ABCB5: variants seen among roughly 807,000 people sequenced by gnomAD.
The protein encoded by ABCB5 is ATP-binding cassette sub-family B member 5.
Under a neutral mutation model 144.2 loss-of-function variants are expected in ABCB5, and 155 were observed. The observed-to-expected ratio is 1.08, with a 90% CI of 0.94 to 1.23. The LOEUF is 1.23. Ranked by LOEUF, ABCB5 falls within the 50% of genes most tolerant of loss-of-function variation. The probability of loss-of-function intolerance (pLI) is 0.00; values close to 1 mark genes in which losing one functional copy is unlikely to be tolerated. For missense variants in ABCB5, 1,830 were observed against 1,520.8 expected (o/e 1.20, Z -3.38); for synonymous variants, 610 against 528.6 (o/e 1.15, Z -2.11).
In ABCB5 at chr7:20,684,011, C is replaced by G. The variant is rs554833738; in HGVS notation, c.1870-1685C>G. Among the ~76,000 whole-genome samples the G allele has an allele frequency of 2.6e-5, 4 of 152,244 alleles. No homozygotes were observed. The East Asian group carries it at 7.7e-4, about 29-fold the overall frequency. On this transcript the variant is annotated intron_variant, in intron 15 of 27. Transcript: ENST00000404938. ...CAAGTTATTTAAATTCTCAGTGCAT[C>G]AATTTCCTAACCTTTAACAAGAGGG...
rs1184618642 is a variant in ABCB5, at chr7:20,685,708, G to A, written c.1882G>A (p.Ala628Thr). The change falls in exon 16 of 28, where the codon GCT becomes ACT. Residue 628 changes from alanine to threonine, a missense_variant. Physicochemically the swap from Ala to Thr is moderately conservative, Grantham distance 58. Transcript: ENST00000404938. ...TTCTTCCTGTAAGGATATTAAAAAA[G>A]CTGATGAACAGATGGAGTCAATGAC... The part of the protein sequence containing the change: ...SLVMSQDIKK[A>T]DEQMESMTYS... 4 of 1,607,726 alleles carry A rather than the reference G, an allele frequency of 2.5e-6. No individual in the cohort carries two copies. In the South Asian group the frequency reaches 3.3e-5, roughly 13 times the overall value.
At chr7:20,746,108 T>TC (rs1028448571) in intron 26 of ABCB5, among the ~76,000 whole-genome samples, 1 of 149,066 alleles carries the variant, frequency 6.7e-6, no homozygotes, top group African/African-American at 2.4e-5. Context: ...TTAACTTTCT[T>TC]TTTTTTTTTT....
At chr7:20,710,709 C>T (rs1787000223) in intron 20 of ABCB5, among the ~76,000 whole-genome samples, 2 of 149,792 alleles carry the variant, frequency 1.3e-5, no homozygotes, top group Admixed American at 6.7e-5. Context: ...GAGTGTGATT[C>T]TCACAGGCAG....
At chr7:20,705,806 T>C (rs558273844) in intron 20 of ABCB5, among the ~76,000 whole-genome samples, 125 of 133,664 alleles carry the variant, frequency 9.4e-4, no homozygotes, top group Non-Finnish European at 1.6e-3. Flanking sequence ...TTCTAAGTTG[T>C]TTTTTTTTTT....
At chr7:20,710,864 C>T (rs1464076341) in intron 20 of ABCB5, among the ~76,000 whole-genome samples, 2 of 149,826 alleles carry the variant, frequency 1.3e-5, no homozygotes, top group African/African-American at 2.5e-5. Flanking sequence ...TATTTTTCTG[C>T]CTTCTTTTGG....
At position 20,745,273 on chromosome 7, in the gene ABCB5, G is replaced by C. The variant is rs200758602; in HGVS notation, c.3264G>C (p.Trp1088Cys). 25 of 1,613,992 alleles carry C rather than the reference G, an allele frequency of 1.5e-5. No individual in the cohort carries two copies. The highest frequency in any genetic ancestry group is 2.1e-5 in the Non-Finnish European group (25 of 1,179,910). The change falls in exon 26 of 28, where the codon TGG becomes TGC. Residue 1088 changes from tryptophan to cysteine, a missense_variant. Physicochemically the swap from Trp to Cys is radical, Grantham distance 215. Transcript: ENST00000404938. Reference protein sequence around the residue: ...GVDAKELNVQWLRSQIAIVPQ... With the variant: ...GVDAKELNVQCLRSQIAIVPQ... ...ATGCAAAAGAATTGAATGTACAGTG[G>C]CTCCGTTCCCAAATAGCAATCGTTC...
chr7:20,746,041 G>A (rs933076654), intron 26 of ABCB5, among the ~76,000 whole-genome samples: 1 of 151,886 alleles, frequency 6.6e-6, no homozygotes, highest in South Asian at 2.1e-4. Flanking sequence ...GGACATTTGC[G>A]TTTGCTGTTT....
chr7:20,705,793 C>A (rs1786803641), intron 20 of ABCB5, among the ~76,000 whole-genome samples: 1 of 151,400 alleles, frequency 6.6e-6, no homozygotes, highest in South Asian at 2.1e-4. Flanking sequence ...GATATGGCAA[C>A]CGTTCTAAGT....
At position 20,728,416 on chromosome 7, in the gene ABCB5, T is replaced by G; in HGVS notation, c.2828T>G (p.Leu943Ter). 3 of 1,614,158 alleles carry G rather than the reference T, an allele frequency of 1.9e-6. No homozygotes were observed. The Middle Eastern group carries it at 4.9e-4, about 266-fold the overall frequency. Residue 943 changes from leucine to a stop codon, truncating the protein, a stop_gained, in exon 23 of 28, where the codon TTA becomes TGA. Transcript: ENST00000404938. LOFTEE classifies it high-confidence loss of function. ...YAAGFRFGAYLIQAGRMTPEG... is the reference protein window; with the variant it reads ...YAAGFRFGAY ...GCAGGGTTTCGATTTGGAGCCTATT[T>G]AATTCAAGCTGGACGAATGACCCCA...
At chr7:20,755,188 A>G (rs1269919119) in intron 27 of ABCB5, among the ~76,000 whole-genome samples, 1 of 152,188 alleles carries the variant, frequency 6.6e-6, no homozygotes, top group African/African-American at 2.4e-5. Flanking sequence ...ACCTCAGGTG[A>G]TCTGCCTGCC....
intron 20 of ABCB5, among the ~76,000 whole-genome samples, chr7:20,710,241 T>C (rs1406234375): frequency 7.0e-6 from 1 of 143,864 alleles, no homozygotes; most frequent in East Asian, 2.1e-4. Flanking sequence ...GTGGGGGGCA[T>C]CTATAATCCC....
intron 22 of ABCB5, among the ~76,000 whole-genome samples, chr7:20,727,789 T>C (rs887939653): frequency 5.3e-5 from 8 of 152,220 alleles, no homozygotes; most frequent in Admixed American, 2.0e-4. Context: ...TAAATACGAA[T>C]ATATACATAA....
At chr7:20,617,988 A>T in intron 1 of ABCB5, among the ~76,000 whole-genome samples, 1 of 152,226 alleles carries the variant, frequency 6.6e-6, no homozygotes, top group East Asian at 1.9e-4. Context: ...GAGAGAAATA[A>T]AAACTTCTGT....
chr7:20,690,202 A>G (rs967372927), intron 16 of ABCB5, among the ~76,000 whole-genome samples: 7 of 152,254 alleles, frequency 4.6e-5, no homozygotes, highest in Non-Finnish European at 8.8e-5. Context: ...GCAACAAACT[A>G]CAATAGTATT....
chr7:20,681,020 T>C (rs192957301), intron 14 of ABCB5, among the ~76,000 whole-genome samples: 102 of 8,796 alleles, frequency 0.012, no homozygotes, highest in East Asian at 0.031. Context: ...CTTTCTTTCT[T>C]TCTTTCTTTC....
At chr7:20,657,655 C>T (rs968207494) in intron 13 of ABCB5, among the ~76,000 whole-genome samples, 1 of 152,136 alleles carries the variant, frequency 6.6e-6, no homozygotes, top group South Asian at 2.1e-4. Context: ...AGGAAACTTA[C>T]TAGGGCTACA....
At chr7:20,663,403 T>C (rs1406477781) in intron 14 of ABCB5, among the ~76,000 whole-genome samples, 1 of 152,190 alleles carries the variant, frequency 6.6e-6, no homozygotes, top group Non-Finnish European at 1.5e-5. Context: ...AATGGAATAC[T>C]ACCAGTTTTT....
At chr7:20,649,987 T>C in intron 11 of ABCB5, 35 bp from the exon 12 acceptor site, 3 of 1,584,328 alleles carry the variant, frequency 1.9e-6, no homozygotes, top group Non-Finnish European at 2.6e-6. Context: ...CTTCTTATTG[T>C]GGTTTTATGA....
At chr7:20,681,421 C>A in intron 14 of ABCB5, 84 bp from the exon 15 acceptor site, 2 of 1,470,176 alleles carry the variant, frequency 1.4e-6, no homozygotes, top group Non-Finnish European at 9.2e-7. Context: ...GCCACCATGC[C>A]GGGTCAACAA....
Sources: gnomAD v4.1 joint callset for allele counts (sites outside exome capture counted in the v4.1 genomes callset) on GRCh38, gnomAD v4.1.1 for gene constraint, MANE v1.5 for transcripts, NCBI Gene and HGNC (gene_info 2026-07-23, HGNC 2026-07-21) for gene names.